The following C16orf74 variants were observed in gnomAD, a reference collection of about 807,000 sequenced individuals.
C16orf74 encodes uncharacterized protein C16orf74.
A neutral mutation model predicts 6.5 loss-of-function variants in C16orf74; 10 were observed. The ratio of observed to expected loss-of-function variants is 1.54; its 90% CI spans 0.95 to 2.61. The LOEUF (loss-of-function observed/expected upper bound fraction) is 2.61, where lower values mean the gene tolerates loss of function less well. Among genes scored for constraint, C16orf74 ranks in the 30% most tolerant of loss-of-function variants. The pLI, the probability that C16orf74 is intolerant of heterozygous loss-of-function variation, is 0.00. For synonymous variants in C16orf74, 60 were observed against 42.5 expected, an observed-to-expected ratio of 1.41 and a Z score of -1.60; for missense variants, 141 against 105.9, an observed-to-expected ratio of 1.33 and a Z score of -1.45.
chr16:85,715,327 G>A (rs901777406), intron 2 of C16orf74, among the ~76,000 whole-genome samples: 4 of 152,102 alleles, frequency 2.6e-5, no homozygotes, highest in East Asian at 3.9e-4. Context: ...CGAGGCGTGC[G>A]CTCCTTCAGG....
chr16:85,717,213 G>A (rs866271527), intron 2 of C16orf74, among the ~76,000 whole-genome samples: 4 of 152,226 alleles, frequency 2.6e-5, no homozygotes, highest in African/African-American at 9.6e-5. Context: ...CTGGCATGGC[G>A]AGGTTGGACA....
intron 2 of C16orf74, among the ~76,000 whole-genome samples, chr16:85,712,925 C>T (rs554736200): frequency 8.5e-5 from 13 of 152,294 alleles, no homozygotes; most frequent in South Asian, 6.2e-4. Context: ...GGGTCATGCC[C>T]GGAGAGACAG....
intron 1 of C16orf74, among the ~76,000 whole-genome samples, chr16:85,745,142 A>T (rs2054359456): frequency 1.5e-5 from 2 of 129,688 alleles, no homozygotes; most frequent in African/African-American, 6.5e-5. Context: ...CTCTGTCTAA[A>T]AAAAAAAAAA....
At chr16:85,740,775 T>C (rs907463982) in intron 1 of C16orf74, among the ~76,000 whole-genome samples, 10 of 130,550 alleles carry the variant, frequency 7.7e-5, no homozygotes, top group Non-Finnish European at 1.1e-4. Flanking sequence ...GAGGTTTTAG[T>C]GAGCTGAGAT....
At chr16:85,733,848 G>A (rs910065782) in intron 2 of C16orf74, among the ~76,000 whole-genome samples, 8 of 152,160 alleles carry the variant, frequency 5.3e-5, no homozygotes, top group African/African-American at 1.7e-4. Flanking sequence ...ACGACACCCC[G>A]ATTTTCACCA....
chr16:85,739,844 T>C (rs1337660035), intron 1 of C16orf74, among the ~76,000 whole-genome samples: 1 of 152,128 alleles, frequency 6.6e-6, no homozygotes, highest in Non-Finnish European at 1.5e-5. Context: ...GAAACAACTG[T>C]ATTTTAGGTG....
intron 2 of C16orf74, among the ~76,000 whole-genome samples, chr16:85,719,219 C>A (rs1345402798): frequency 6.6e-6 from 1 of 152,230 alleles, no homozygotes; most frequent in Non-Finnish European, 1.5e-5. Context: ...CTGCTGTGTG[C>A]CCTGCATGGC....
intron 3 of C16orf74, among the ~76,000 whole-genome samples, chr16:85,708,423 C>T (rs1015406356): frequency 1.3e-5 from 2 of 152,110 alleles, no homozygotes; most frequent in East Asian, 1.9e-4. Context: ...CTTTGACAGC[C>T]GAGCTAAGGA....
intron 2 of C16orf74, among the ~76,000 whole-genome samples, chr16:85,716,065 G>A (rs1030472292): frequency 6.6e-6 from 1 of 152,164 alleles, no homozygotes; most frequent in Admixed American, 6.5e-5. Context: ...TAACAGGAGG[G>A]AGCTTCCCTG....
In C16orf74 at chr16:85,707,731, G is replaced by C. The variant is rs992250625; in HGVS notation, c.*277C>G. 4 of 475,516 alleles carry C rather than the reference G, an allele frequency of 8.4e-6. No individual in the cohort carries two copies. Among genetic ancestry groups the C allele is most frequent in the Non-Finnish European group, 1.5e-5 (4 of 266,074 alleles). 29.5% of individuals were successfully genotyped at this position (475,516 alleles called of 1,614,324 possible). A position where few individuals can be genotyped will look rare whatever the true frequency, so the allele number is the denominator to read the frequency against. On this transcript the variant is annotated 3_prime_UTR_variant, in exon 4 of 4. Coordinates refer to ENST00000284245, the MANE Select transcript of C16orf74 (RefSeq NM_206967.3). ...AGAGCCTCTCCCTGGGACCCCAACA[G>C]CCAGGACCATGGCGCTCCCTTTCAC...
chr16:85,740,022 C>A (rs2054285979), intron 1 of C16orf74, among the ~76,000 whole-genome samples: 1 of 150,836 alleles, frequency 6.6e-6, no homozygotes. Context: ...CCAGCCTGGC[C>A]AACATGGTGA....
rs1375292349 is a variant in C16orf74 at position 85,707,949 on chromosome 16, G to A, written c.*59C>T. 14 of 1,471,032 alleles carry A rather than the reference G, an allele frequency of 9.5e-6. No homozygotes were observed. The highest frequency in any genetic ancestry group is 1.7e-4 in the Middle Eastern group (1 of 5,808). The allele number at this position is 1,471,032 out of a possible 1,614,324, so 91.1% of individuals were successfully genotyped here. ...ACCTGCTCCAGGCAGCCACGCCCCCGGACACCTGAAGCCGGGCCGCTGGAG... is the reference window on the plus strand; with the variant it reads ...ACCTGCTCCAGGCAGCCACGCCCCCAGACACCTGAAGCCGGGCCGCTGGAG... On this transcript the variant is annotated 3_prime_UTR_variant, in exon 4 of 4. Transcript: ENST00000284245.
At chr16:85,710,122 C>A (rs768774637) in intron 3 of C16orf74, 42 bp downstream of exon 3, 12 of 1,371,742 alleles carry the variant, frequency 8.7e-6, no homozygotes, top group Non-Finnish European at 1.0e-5. Context: ...CCACCGGGCC[C>A]CCACAGCCGA....
At chr16:85,713,047 A>C (rs754998220) in intron 2 of C16orf74, among the ~76,000 whole-genome samples, 1 of 152,152 alleles carries the variant, frequency 6.6e-6, no homozygotes, top group Non-Finnish European at 1.5e-5. Flanking sequence ...GGCGGCTGGA[A>C]CAATGGACAT....
chr16:85,736,968 C>T (rs1214639236), intron 1 of C16orf74, among the ~76,000 whole-genome samples: 1 of 151,928 alleles, frequency 6.6e-6, no homozygotes, highest in Non-Finnish European at 1.5e-5. Context: ...CACTTGAACC[C>T]GTAGGTGGAG....
At chr16:85,732,647 C>A (rs150871907) in intron 2 of C16orf74, among the ~76,000 whole-genome samples, 1,406 of 115,916 alleles carry the variant, frequency 0.012, 28 homozygotes, top group African/African-American at 0.042. Context: ...GCCTGGGTGA[C>A]AGAGCGAGAC....
chr16:85,708,273 C>G (rs2053933354), intron 3 of C16orf74, among the ~76,000 whole-genome samples: 1 of 152,176 alleles, frequency 6.6e-6, no homozygotes, highest in African/African-American at 2.4e-5. Context: ...GAACCCCTCC[C>G]AGCGTTCAGG....
At chr16:85,713,078 A>C (rs1242217747) in intron 2 of C16orf74, among the ~76,000 whole-genome samples, 2 of 152,166 alleles carry the variant, frequency 1.3e-5, no homozygotes, top group East Asian at 3.9e-4. Context: ...ATAGATCTGG[A>C]GGCCAGAAGT....
chr16:85,728,689 T>G (rs949086339), intron 2 of C16orf74, among the ~76,000 whole-genome samples: 8 of 152,200 alleles, frequency 5.3e-5, no homozygotes, highest in Non-Finnish European at 1.2e-4. Context: ...AACGGCTCCT[T>G]GGGTGCCATC....
Sources: allele counts gnomAD v4.1 joint callset (sites outside exome capture counted in the v4.1 genomes callset), GRCh38; gene constraint gnomAD v4.1.1; transcripts MANE v1.5; gene names NCBI Gene and HGNC (gene_info 2026-07-23, HGNC 2026-07-21).